The following TMBIM1 variants were observed in gnomAD, a reference collection of about 807,000 sequenced individuals.
TMBIM1 encodes the protein protein lifeguard 3.
TMBIM1 carries 34 observed loss-of-function variants against 45.1 expected under a neutral mutation model. The observed-to-expected ratio is 0.75, with a 90% CI of 0.57 to 1.00. The LOEUF (loss-of-function observed/expected upper bound fraction) is 1.00. Ranked by LOEUF, TMBIM1 falls within the 50% of genes least tolerant of loss-of-function variation. The pLI is 0.00. For missense variants in TMBIM1, 374 were observed against 402.4 expected (o/e 0.93, Z 0.60); for synonymous variants, 157 against 153.5 (o/e 1.02, Z -0.17).
At position 218,277,464 on chromosome 2, in the gene TMBIM1, G is replaced by A. The variant is rs1208844029; in HGVS notation, c.552-11C>T. On this transcript the variant is annotated splice_polypyrimidine_tract_variant and intron_variant, in intron 8 of 11. Transcript: ENST00000258412. Reference sequence around the variant, plus strand: ...TTGGTTTGGTACATACTGGGGAGAAGCAGGAGTTACAGACAAGAGGCATTA... The same window carrying A: ...TTGGTTTGGTACATACTGGGGAGAAACAGGAGTTACAGACAAGAGGCATTA... The A allele has an allele frequency of 1.2e-6, 2 of 1,613,804 alleles. No homozygotes were observed. Among genetic ancestry groups the A allele is most frequent in the South Asian group, 1.1e-5 (1 of 91,084 alleles).
chr2:218,277,916 G>C lies in TMBIM1; in HGVS notation c.513+19C>G. 1 of 1,614,062 alleles carries C rather than the reference G, an allele frequency of 6.2e-7. No homozygotes were observed. Among genetic ancestry groups the C allele is most frequent in the Non-Finnish European group, 8.5e-7 (1 of 1,179,976 alleles). The stretch of plus-strand genomic sequence containing the variant: ...CCTCACAGCATCTCCACACCCTCCT[G>C]CCACCCTTCTAGACTTACAAAAAGG... On this transcript the variant is annotated intron_variant, in intron 7 of 11. Transcript: ENST00000258412.
rs1217394846 is a variant in TMBIM1, at chr2:218,275,371, C to T, written c.*104G>A. 6.9e-7 allele frequency: 1 copy of T among 1,449,264 alleles called. No individual in the cohort carries two copies. Among genetic ancestry groups the T allele is most frequent in the East Asian group, 2.4e-5 (1 of 42,186 alleles). The allele number at this position is 1,449,264 out of a possible 1,614,324, so 89.8% of individuals were successfully genotyped here. A position where few individuals can be genotyped will look rare whatever the true frequency, so the allele number is the denominator to read the frequency against. ...CAGAAAGGAAACTGGGCATGTTACT[C>T]AAGGGGAAGGAAAGGGGCCTAAAGC... On this transcript the variant is annotated 3_prime_UTR_variant, in exon 12 of 12. Coordinates refer to ENST00000258412, the MANE Select transcript of TMBIM1 (RefSeq NM_022152.6).
rs539165127 is a variant in TMBIM1, at chr2:218,291,694, G to A, written c.-41+772C>T. On this transcript the variant is annotated intron_variant, in intron 1 of 11. Transcript: ENST00000258412. ...AGCCTCCCTCTGCTTCCTCCCACTG[G>A]TCCCTGGCTCCTGCCCCAGTCTCTC... 1.3e-4 allele frequency among the ~76,000 whole-genome samples: 20 copies of A among 152,162 alleles called. No homozygotes were observed. The South Asian group carries it at 3.9e-3, about 30-fold the overall frequency.
intron 2 of TMBIM1, chr2:218,281,130 T>TTTTGTTTTTGTTTTG (rs143489589): frequency 0.043 from 5,060 of 117,374 alleles, 133 homozygotes; most frequent in African/African-American, 0.054. Flanking sequence ...TTGTTTTTTG[T>TTTTGTTTTTGTTTTG]TTTTTTTTTG....
At position 218,274,555 on chromosome 2, in the gene TMBIM1, G is replaced by A. The variant is rs754200309; in HGVS notation, c.*920C>T. 1 of 154,940 alleles carries A rather than the reference G, an allele frequency of 6.5e-6. No homozygotes were observed. The highest frequency in any genetic ancestry group is 1.5e-5 in the Non-Finnish European group (1 of 68,270). The allele number at this position is 154,940 out of a possible 1,614,324, so 9.6% of individuals were successfully genotyped here. A position where few individuals can be genotyped will look rare whatever the true frequency, so the allele number is the denominator to read the frequency against. ...GGCTTCGGTATCTCCCTAGCCAGGTGAGGGACCCCCAGGCATTCTCCCTGC... is the reference window on the plus strand; with the variant it reads ...GGCTTCGGTATCTCCCTAGCCAGGTAAGGGACCCCCAGGCATTCTCCCTGC... On this transcript the variant is annotated 3_prime_UTR_variant, in exon 12 of 12. Coordinates refer to ENST00000258412, the MANE Select transcript of TMBIM1 (RefSeq NM_022152.6).
intron 1 of TMBIM1, among the ~76,000 whole-genome samples, chr2:218,288,223 T>C (rs1692673457): frequency 6.6e-6 from 1 of 152,088 alleles, no homozygotes. Flanking sequence ...GGTCAGGAGA[T>C]CGAGACCATC....
At chr2:218,278,362 A>G in intron 6 of TMBIM1, 153 bp downstream of exon 6, 3 of 773,068 alleles carry the variant, frequency 3.9e-6, no homozygotes, top group East Asian at 2.7e-5. Context: ...GGTCCTTTGT[A>G]TACACCTGAA....
chr2:218,277,777 G>T lies in TMBIM1; in HGVS notation c.514-107C>A, dbSNP rs1419909451. 1.0e-5 allele frequency: 16 copies of T among 1,549,824 alleles called. No individual in the cohort carries two copies. In the Middle Eastern group the frequency reaches 1.0e-3, roughly 97 times the overall value. On this transcript the variant is annotated intron_variant, in intron 7 of 11. Coordinates refer to ENST00000258412, the MANE Select transcript of TMBIM1 (RefSeq NM_022152.6). ...TGCCAGAGCTGGGGAACGCCACCAA[G>T]TTGGAAAGAGGCAGCCACAGAGGAG...
At position 218,279,153 on chromosome 2, in the gene TMBIM1, C is replaced by G. The variant is rs374142777; in HGVS notation, c.369-62G>C. ...GGCTTGTCTGCCCCACCCAGGCCAG[C>G]CAGGCAGCCCTGGCTTCACCTTCTC... On this transcript the variant is annotated intron_variant, in intron 4 of 11. Coordinates refer to ENST00000258412, the MANE Select transcript of TMBIM1 (RefSeq NM_022152.6). The G allele has an allele frequency of 2.6e-5, 41 of 1,606,866 alleles. No homozygotes were observed. In the African/African-American group the frequency reaches 4.5e-4, roughly 18 times the overall value.
chr2:218,275,388 G>T lies in TMBIM1; in HGVS notation c.*87C>A, dbSNP rs778856282. 6 of 1,494,886 alleles carry T rather than the reference G, an allele frequency of 4.0e-6. No homozygotes were observed. The highest frequency in any genetic ancestry group is 5.3e-6 in the Non-Finnish European group (6 of 1,123,206). 92.6% of individuals were successfully genotyped at this position (1,494,886 alleles called of 1,614,324 possible). On this transcript the variant is annotated 3_prime_UTR_variant, in exon 12 of 12. Coordinates refer to ENST00000258412, the MANE Select transcript of TMBIM1 (RefSeq NM_022152.6). ...ATGTTACTCAAGGGGAAGGAAAGGG[G>T]CCTAAAGCCCAGACCACAGTCATAG...
intron 6 of TMBIM1, 109 bp downstream of exon 6, chr2:218,278,406 C>T (rs940626821): frequency 8.6e-7 from 1 of 1,162,158 alleles, no homozygotes; most frequent in Non-Finnish European, 1.3e-6. Context: ...CTCCTCATTT[C>T]TTGTAAGTTT....
At chr2:218,277,557 C>T in intron 8 of TMBIM1, 76 bp downstream of exon 8, 1 of 1,609,550 alleles carries the variant, frequency 6.2e-7, no homozygotes, top group Non-Finnish European at 8.5e-7. Flanking sequence ...ACCCACGCAG[C>T]TGGCTGCCGG....
In TMBIM1 at chr2:218,278,550, G is replaced by A; in HGVS notation, c.438C>T (p.Val146=). ...GGCAGCAGGCAAGGATCAGGTAGGT[G>A]ACAACGAAGACAGCACTAGGGACAA... ...VYYVSYAVFV[V]TYLILACCQG... The change falls in exon 6 of 12, where the codon GTC becomes GTT. Residue 146 remains valine, a synonymous_variant. Coordinates refer to ENST00000258412, the MANE Select transcript of TMBIM1 (RefSeq NM_022152.6). 2.9e-5 allele frequency: 47 copies of A among 1,614,190 alleles called. No homozygotes were observed. Among genetic ancestry groups the A allele is most frequent in the Non-Finnish European group, 4.0e-5 (47 of 1,180,030 alleles).
chr2:218,280,501 G>C, intron 2 of TMBIM1: 1 of 275,930 alleles, frequency 3.6e-6, no homozygotes, highest in South Asian at 3.6e-5. Context: ...AGGAGAAAAG[G>C]AGGGCGGCAG....
rs529875532 is a variant in TMBIM1, at chr2:218,278,907, C to T, written c.422+131G>A. On this transcript the variant is annotated intron_variant, in intron 5 of 11. Transcript: ENST00000258412. ...GCACGCACACCCACACCCTCTGGCA[C>T]GGGAAACTGGCACCAACTTGGGGGC... 1.1e-3 allele frequency: 1,148 copies of T among 1,040,312 alleles called. 4 individuals carry two copies. Among genetic ancestry groups the T allele is most frequent in the Middle Eastern group, 4.7e-3 (21 of 4,432 alleles). The allele number at this position is 1,040,312 out of a possible 1,614,324, so 64.4% of individuals were successfully genotyped here.
At chr2:218,279,695 G>A (rs893474428) in intron 3 of TMBIM1, among the ~76,000 whole-genome samples, 1 of 152,198 alleles carries the variant, frequency 6.6e-6, no homozygotes, top group Non-Finnish European at 1.5e-5. Flanking sequence ...GGTTACAAGC[G>A]AGTAGGATCA....
At chr2:218,278,124 C>G in intron 6 of TMBIM1, 150 bp from the exon 7 acceptor site, 2 of 834,578 alleles carry the variant, frequency 2.4e-6, no homozygotes, top group South Asian at 3.2e-5. Flanking sequence ...GGCACCTGTT[C>G]AGGTGTGGTA....
chr2:218,284,540 C>T (rs1050189559), intron 1 of TMBIM1, among the ~76,000 whole-genome samples: 4 of 152,238 alleles, frequency 2.6e-5, no homozygotes, highest in Non-Finnish European at 4.4e-5. Flanking sequence ...CGGGTGCTGA[C>T]TCAGAGCTTC....
intron 2 of TMBIM1, chr2:218,280,644 G>A (rs1488772633): frequency 6.3e-6 from 1 of 158,432 alleles, no homozygotes; most frequent in African/African-American, 2.4e-5. Flanking sequence ...CACATGTCCA[G>A]GTGAGAGCTG....
Sources: allele counts gnomAD v4.1 joint callset (sites outside exome capture counted in the v4.1 genomes callset), GRCh38; gene constraint gnomAD v4.1.1; transcripts MANE v1.5; gene names NCBI Gene and HGNC (gene_info 2026-07-23, HGNC 2026-07-21).